CDC42SE2: variants seen among roughly 807,000 people sequenced by gnomAD.
CDC42SE2 encodes the protein CDC42 small effector 2, also known as CDC42 small effector protein 2.
In CDC42SE2, 3 loss-of-function variants were observed where a neutral mutation model predicts 11.5. That is an observed-to-expected ratio of 0.26 (90% CI 0.12 to 0.67). The LOEUF is 0.67. CDC42SE2 is among the 30% of genes least tolerant of loss of function. CDC42SE2 has a pLI of 0.80. For synonymous variants in CDC42SE2, 33 were observed against 34.8 expected (o/e 0.95, Z 0.18); for missense variants, 82 against 106.8 (o/e 0.77, Z 1.02).
chr5:131,332,243 T>G (rs529038077), intron 2 of CDC42SE2, among the ~76,000 whole-genome samples: 60 of 152,346 alleles, frequency 3.9e-4, no homozygotes, highest in African/African-American at 1.4e-3. Flanking sequence ...TTGCGATAGT[T>G]TGCTGAGAAT....
At chr5:131,254,820 A>C (rs1392439878) in intron 1 of CDC42SE2, among the ~76,000 whole-genome samples, 2 of 152,228 alleles carry the variant, frequency 1.3e-5, no homozygotes, top group Non-Finnish European at 2.9e-5. Context: ...TCTACAGTGC[A>C]AGATAGATTT....
At chr5:131,239,168 AT>A in the CDC42SE2 span, among the ~76,000 whole-genome samples, 1,042 of 151,702 alleles carry the variant, frequency 6.9e-3, 13 homozygotes, top group African/African-American at 0.024. Context: ...TCAAAAAAAA[AT>A]AAAATAAAAA....
At chr5:131,298,104 C>T (rs1368099248) in intron 1 of CDC42SE2, among the ~76,000 whole-genome samples, 3 of 150,808 alleles carry the variant, frequency 2.0e-5, no homozygotes, top group African/African-American at 7.3e-5. Context: ...GTCTAGTCAT[C>T]TTTAAATTTT....
the CDC42SE2 span, among the ~76,000 whole-genome samples, chr5:131,234,654 A>G: frequency 1.3e-5 from 2 of 151,724 alleles, no homozygotes; most frequent in Non-Finnish European, 2.9e-5. Context: ...AAAAGAAAAA[A>G]AAAGAAAAAT....
chr5:131,380,882 C>G (rs1214621840), intron 3 of CDC42SE2, among the ~76,000 whole-genome samples: 1 of 152,148 alleles, frequency 6.6e-6, no homozygotes, highest in African/African-American at 2.4e-5. Flanking sequence ...CTTCTTAGAC[C>G]CACCTCAGTC....
intron 3 of CDC42SE2, among the ~76,000 whole-genome samples, chr5:131,375,834 A>G (rs901027879): frequency 6.6e-6 from 1 of 152,086 alleles, no homozygotes; most frequent in Non-Finnish European, 1.5e-5. Flanking sequence ...TTTTTGTCAT[A>G]TTCTTAGAAA....
At position 131,256,547 on chromosome 5, in the gene CDC42SE2, G is replaced by C. The variant is rs568838188; in HGVS notation, n.242+1318G>C. Among the ~76,000 whole-genome samples, 3 of 152,316 alleles carry C rather than the reference G, an allele frequency of 2.0e-5. No homozygotes were observed. The South Asian group carries it at 6.2e-4, about 32-fold the overall frequency. ...CCAGGTTCTCTGCTCACGGTATCAG[G>C]CTGAAATCAAGGTGTTTGCAAGTCA... On this transcript the variant is annotated intron_variant and non_coding_transcript_variant, in intron 2 of 3. Coordinates refer to the CDC42SE2 transcript ENST00000502840.
chr5:131,300,676 G>A (rs866157939), intron 1 of CDC42SE2, among the ~76,000 whole-genome samples: 36 of 151,932 alleles, frequency 2.4e-4, no homozygotes, highest in African/African-American at 8.0e-4. Context: ...CCAGCTCCTC[G>A]GGAGGCTGAG....
chr5:131,374,345 G>A (rs995810514), intron 3 of CDC42SE2, among the ~76,000 whole-genome samples: 1 of 152,060 alleles, frequency 6.6e-6, no homozygotes, highest in Admixed American at 6.6e-5. Flanking sequence ...TTCAAGACCA[G>A]CCTGGCCAAG....
the CDC42SE2 span, among the ~76,000 whole-genome samples, chr5:131,236,826 T>C: frequency 6.6e-6 from 1 of 152,262 alleles, no homozygotes; most frequent in Non-Finnish European, 1.5e-5. Context: ...TACTATAAAC[T>C]AAATTTCAAT....
the CDC42SE2 span, among the ~76,000 whole-genome samples, chr5:131,222,839 A>G: frequency 1.9e-3 from 289 of 152,360 alleles, 2 homozygotes; most frequent in African/African-American, 6.3e-3. Flanking sequence ...GACAGACACA[A>G]TGACAATATC....
intron 3 of CDC42SE2, among the ~76,000 whole-genome samples, chr5:131,359,893 A>G (rs1749659355): frequency 6.6e-6 from 1 of 152,166 alleles, no homozygotes; most frequent in Admixed American, 6.5e-5. Context: ...TGTGACAGCC[A>G]TATTGCCATC....
chr5:131,248,135 T>A (rs536346381), intron 1 of CDC42SE2, among the ~76,000 whole-genome samples: 1 of 151,356 alleles, frequency 6.6e-6, no homozygotes, highest in African/African-American at 2.5e-5. Flanking sequence ...TTCCTTTTTT[T>A]TATTTTTTTA....
intron 2 of CDC42SE2, among the ~76,000 whole-genome samples, chr5:131,336,425 T>C (rs989526049): frequency 6.6e-6 from 1 of 152,206 alleles, no homozygotes; most frequent in Non-Finnish European, 1.5e-5. Context: ...ATTTCAACTT[T>C]GATGAATCTG....
chr5:131,221,036 C>G, the CDC42SE2 span, among the ~76,000 whole-genome samples: 1 of 152,182 alleles, frequency 6.6e-6, no homozygotes, highest in African/African-American at 2.4e-5. Context: ...AGGCACCCAC[C>G]ACCACACTCG....
At chr5:131,340,338 C>T (rs778596615) in intron 2 of CDC42SE2, among the ~76,000 whole-genome samples, 6 of 152,060 alleles carry the variant, frequency 3.9e-5, no homozygotes, top group Non-Finnish European at 8.8e-5. Flanking sequence ...ATGTATCATC[C>T]CTTTGTGCAG....
chr5:131,305,474 G>C (rs965708785), intron 1 of CDC42SE2, among the ~76,000 whole-genome samples: 1 of 152,156 alleles, frequency 6.6e-6, no homozygotes. Flanking sequence ...TGCCTTATTT[G>C]AACATGGTCT....
At chr5:131,381,256 A>G (rs921469072) in intron 3 of CDC42SE2, among the ~76,000 whole-genome samples, 20 of 151,894 alleles carry the variant, frequency 1.3e-4, no homozygotes, top group Non-Finnish European at 5.9e-5. Context: ...AAGTCTGTGC[A>G]TATTTCTTAA....
upstream of CDC42SE2, among the ~76,000 whole-genome samples, chr5:131,260,737 C>G (rs990312839): frequency 1.3e-5 from 2 of 151,854 alleles, no homozygotes; most frequent in African/African-American, 4.8e-5. Context: ...AGTTCGAGAC[C>G]AGCCTGGCCA....
Sources: gnomAD v4.1 joint callset for allele counts (sites outside exome capture counted in the v4.1 genomes callset) on GRCh38, gnomAD v4.1.1 for gene constraint, MANE v1.5 for transcripts, NCBI Gene and HGNC (gene_info 2026-07-23, HGNC 2026-07-21) for gene names.